The following SLC44A5 variants were observed in gnomAD, a reference collection of about 807,000 sequenced individuals.
SLC44A5 encodes the protein choline transporter-like protein 5.
In SLC44A5, 57 loss-of-function variants were observed where a neutral mutation model predicts 101.8. The observed-to-expected ratio is 0.56, with a 90% confidence interval of 0.45 to 0.70. SLC44A5 has a LOEUF of 0.70. Among genes scored for constraint, SLC44A5 ranks in the 30% least tolerant of loss-of-function variants. The probability of loss-of-function intolerance (pLI) is 0.00; values close to 1 mark genes in which losing one functional copy is unlikely to be tolerated. For synonymous variants in SLC44A5, 281 were observed against 290.9 expected (o/e 0.97, Z 0.35); for missense variants, 737 against 853.1 (o/e 0.86, Z 1.70).
intron 2 of SLC44A5, among the ~76,000 whole-genome samples, chr1:75,492,919 G>A (rs1668498120): frequency 6.6e-6 from 1 of 152,172 alleles, no homozygotes; most frequent in African/African-American, 2.4e-5. Flanking sequence ...AATGTCCAAA[G>A]TTGGAACAAA....
chr1:75,486,025 G>C (rs1220365200), intron 2 of SLC44A5, among the ~76,000 whole-genome samples: 1 of 152,116 alleles, frequency 6.6e-6, no homozygotes, highest in Non-Finnish European at 1.5e-5. Flanking sequence ...CCTGAGATTT[G>C]GGTGGGAATG....
the SLC44A5 span, among the ~76,000 whole-genome samples, chr1:75,722,401 A>G: frequency 5.9e-5 from 9 of 152,358 alleles, no homozygotes; most frequent in Admixed American, 2.0e-4. Context: ...TCAACTCAGT[A>G]TATCACTGGA....
chr1:75,685,497 T>A, the SLC44A5 span, among the ~76,000 whole-genome samples: 1 of 152,190 alleles, frequency 6.6e-6, no homozygotes, highest in East Asian at 1.9e-4. Flanking sequence ...TAAAACTGAA[T>A]GGTATTAAGA....
intron 2 of SLC44A5, among the ~76,000 whole-genome samples, chr1:75,441,374 G>C (rs1409244365): frequency 6.6e-6 from 1 of 151,950 alleles, no homozygotes; most frequent in East Asian, 1.9e-4. Context: ...ATTTCCAAAT[G>C]TTTGCAGGGA....
chr1:75,570,023 T>C (rs1672991527), intron 1 of SLC44A5, among the ~76,000 whole-genome samples: 1 of 152,154 alleles, frequency 6.6e-6, no homozygotes, highest in Admixed American at 6.5e-5. Context: ...CAACTCAAAG[T>C]TATCCCAACA....
intron 2 of SLC44A5, among the ~76,000 whole-genome samples, chr1:75,421,128 CACA>C (rs1663978575): frequency 6.6e-6 from 1 of 151,864 alleles, no homozygotes; most frequent in Admixed American, 6.6e-5. Flanking sequence ...CCTTTCAAAG[CACA>C]ACAATTATTT....
the SLC44A5 span, among the ~76,000 whole-genome samples, chr1:75,637,965 G>C: frequency 6.6e-6 from 1 of 151,868 alleles, no homozygotes; most frequent in Non-Finnish European, 1.5e-5. Context: ...CTATTACCTA[G>C]TACCTCACTG....
At chr1:75,280,466 T>A (rs1433352145) in intron 5 of SLC44A5, among the ~76,000 whole-genome samples, 2 of 110,456 alleles carry the variant, frequency 1.8e-5, no homozygotes, top group African/African-American at 6.8e-5. Flanking sequence ...ATAGTATATA[T>A]AATATATAAT....
chr1:75,613,517 G>A (rs1263782456), upstream of SLC44A5, among the ~76,000 whole-genome samples: 3 of 152,186 alleles, frequency 2.0e-5, no homozygotes, highest in African/African-American at 4.8e-5. Flanking sequence ...CCAAGGATTT[G>A]TTTTTAAAGG....
chr1:75,702,622 C>T, the SLC44A5 span, among the ~76,000 whole-genome samples: 1 of 152,106 alleles, frequency 6.6e-6, no homozygotes, highest in African/African-American at 2.4e-5. Flanking sequence ...GTCTAAAACA[C>T]CAGAAGCAAT....
intron 4 of SLC44A5, among the ~76,000 whole-genome samples, chr1:75,316,479 G>T (rs1022758787): frequency 6.6e-6 from 1 of 152,142 alleles, no homozygotes; most frequent in African/African-American, 2.4e-5. Context: ...CCTCTTTGAT[G>T]CTCCCTTACC....
the SLC44A5 span, among the ~76,000 whole-genome samples, chr1:75,700,467 A>G: frequency 6.6e-6 from 1 of 152,340 alleles, no homozygotes; most frequent in African/African-American, 2.4e-5. Context: ...ATGAGAACAA[A>G]GACACAACAT....
chr1:75,692,312 G>A, the SLC44A5 span, among the ~76,000 whole-genome samples: 1 of 148,244 alleles, frequency 6.7e-6, no homozygotes, highest in East Asian at 2.0e-4. Flanking sequence ...TCCTGCCTCA[G>A]CCTCCCAAGT....
chr1:75,282,976 A>G (rs966347282), intron 5 of SLC44A5, among the ~76,000 whole-genome samples: 4 of 152,138 alleles, frequency 2.6e-5, no homozygotes, highest in African/African-American at 7.2e-5. Context: ...TGCGTGTGCA[A>G]GTATCTTTTT....
chr1:75,549,193 G>T (rs1671806765), intron 1 of SLC44A5, among the ~76,000 whole-genome samples: 2 of 152,054 alleles, frequency 1.3e-5, no homozygotes, highest in African/African-American at 4.8e-5. Flanking sequence ...TACAGTTTGG[G>T]TAACTAGACA....
At chr1:75,336,711 G>A (rs980953727) in intron 4 of SLC44A5, among the ~76,000 whole-genome samples, 1 of 152,126 alleles carries the variant, frequency 6.6e-6, no homozygotes, top group Non-Finnish European at 1.5e-5. Flanking sequence ...TAAAAAGAGA[G>A]AGATAAACAG....
At chr1:75,508,093 C>T (rs1669370484) in intron 2 of SLC44A5, among the ~76,000 whole-genome samples, 1 of 152,026 alleles carries the variant, frequency 6.6e-6, no homozygotes, top group Admixed American at 6.6e-5. Flanking sequence ...ATGAAACATA[C>T]CCTAAAATTG....
rs542215460 is a variant in SLC44A5, at chr1:75,394,179, G to C, written c.52+2404C>G. ...AGGAGAGTGTGGTATCTTGGAAGCA[G>C]AAGAGGAAAGTTTAAAAAAGTAGAG... On this transcript the variant is annotated intron_variant, in intron 3 of 23. Transcript: ENST00000370859. Among the ~76,000 whole-genome samples the C allele has an allele frequency of 3.3e-5, 5 of 152,208 alleles. No individual in the cohort carries two copies. In the South Asian group the frequency reaches 1.0e-3, roughly 32 times the overall value.
the SLC44A5 span, among the ~76,000 whole-genome samples, chr1:75,684,310 C>G: frequency 6.6e-6 from 1 of 151,990 alleles, no homozygotes; most frequent in South Asian, 2.1e-4. Context: ...CATCCTTGGC[C>G]CCTCCAAAAT....
Sources: allele counts gnomAD v4.1 joint callset (sites outside exome capture counted in the v4.1 genomes callset), GRCh38; gene constraint gnomAD v4.1.1; transcripts MANE v1.5; gene names NCBI Gene and HGNC (gene_info 2026-07-23, HGNC 2026-07-21).